Variants in CDH10 observed in about 807,000 individuals in gnomAD.
CDH10 encodes cadherin-10.
CDH10 carries 30 observed loss-of-function variants against 73.1 expected under a neutral mutation model. That is an observed-to-expected ratio of 0.41 (90% CI 0.31 to 0.56). CDH10 has a LOEUF of 0.56. Among genes scored for constraint, CDH10 ranks in the 20% least tolerant of loss-of-function variants. The probability of loss-of-function intolerance (pLI) is 0.27; values close to 1 mark genes in which losing one functional copy is unlikely to be tolerated. For synonymous variants in CDH10, 345 were observed against 348.2 expected (o/e 0.99, Z 0.10); for missense variants, 815 against 973.7 (o/e 0.84, Z 2.17).
At chr5:24,493,335 G>T (rs1213457933) in intron 9 of CDH10, among the ~76,000 whole-genome samples, 1 of 151,876 alleles carries the variant, frequency 6.6e-6, no homozygotes, top group Non-Finnish European at 1.5e-5. Context: ...GGAATGTAGA[G>T]ATTTTATAGG....
intron 1 of CDH10, among the ~76,000 whole-genome samples, chr5:24,618,530 T>A (rs138010334): frequency 6.6e-6 from 1 of 152,358 alleles, no homozygotes; most frequent in East Asian, 1.9e-4. Context: ...TTGTTAAAGT[T>A]CTACATGTGT....
chr5:24,531,693 C>T, intron 5 of CDH10, among the ~76,000 whole-genome samples: 1 of 152,082 alleles, frequency 6.6e-6, no homozygotes, highest in East Asian at 1.9e-4. Flanking sequence ...ATTCAGTTAC[C>T]TCCCACTGGT....
chr5:24,565,343 T>C (rs1023787997), intron 2 of CDH10, among the ~76,000 whole-genome samples: 1 of 152,110 alleles, frequency 6.6e-6, no homozygotes, highest in Non-Finnish European at 1.5e-5. Flanking sequence ...AAATATAAAT[T>C]TCTATGTACT....
At chr5:24,537,272 GGTA>G (rs1743990434) in intron 3 of CDH10, 105 bp downstream of exon 3, 1 of 727,380 alleles carries the variant, frequency 1.4e-6, no homozygotes, top group African/African-American at 1.8e-5. Flanking sequence ...ATGTACTCAT[GGTA>G]GCAAATCAAA....
intron 2 of CDH10, among the ~76,000 whole-genome samples, chr5:24,546,963 A>G (rs1744365245): frequency 6.6e-6 from 1 of 152,210 alleles, no homozygotes; most frequent in South Asian, 2.1e-4. Context: ...GTTCATAATG[A>G]AACATGGGGT....
intron 2 of CDH10, among the ~76,000 whole-genome samples, chr5:24,548,148 G>A (rs1024703729): frequency 6.7e-6 from 1 of 149,722 alleles, no homozygotes; most frequent in Non-Finnish European, 1.5e-5. Context: ...TTTTTTCTGA[G>A]ACTGAAGCTT....
At chr5:24,521,105 A>C (rs911365375) in intron 5 of CDH10, among the ~76,000 whole-genome samples, 4 of 152,190 alleles carry the variant, frequency 2.6e-5, no homozygotes, top group African/African-American at 9.7e-5. Flanking sequence ...ACAGGAAAAC[A>C]AAAAACAGAA....
Position 24,488,158 on chromosome 5 carries a change from A to T in CDH10, c.1877-5T>A, listed in dbSNP as rs2111613780. 1 of 1,590,446 alleles carries T rather than the reference A, an allele frequency of 6.3e-7. No individual in the cohort carries two copies. Among genetic ancestry groups the T allele is most frequent in the Non-Finnish European group, 8.5e-7 (1 of 1,171,080 alleles). On this transcript the variant is annotated splice_polypyrimidine_tract_variant and splice_region_variant and intron_variant, in intron 11 of 11. Coordinates refer to ENST00000264463, the MANE Select transcript of CDH10 (RefSeq NM_006727.5). The stretch of plus-strand genomic sequence containing the variant: ...CTGCAAACAGTACTACTATAACTTG[A>T]AAAAAGACAAGAAGATACATTAGAC...
chr5:24,536,254 ATAGAT>A (rs1301720270), intron 3 of CDH10, among the ~76,000 whole-genome samples: 2 of 152,102 alleles, frequency 1.3e-5, no homozygotes, highest in Non-Finnish European at 2.9e-5. Context: ...AATTTTATGA[ATAGAT>A]TAAATTCTAA....
chr5:24,616,869 G>C (rs1413278870), intron 1 of CDH10, among the ~76,000 whole-genome samples: 2 of 152,070 alleles, frequency 1.3e-5, no homozygotes, highest in African/African-American at 4.8e-5. Context: ...TCCTCTAGCA[G>C]TTATCTTATC....
chr5:24,609,094 T>G (rs142227026), intron 1 of CDH10, among the ~76,000 whole-genome samples: 3 of 152,320 alleles, frequency 2.0e-5, no homozygotes, highest in Middle Eastern at 6.8e-3. Context: ...ATTGTTGAAT[T>G]TTTAAAGCTT....
chr5:24,512,905 TC>T (rs765161404), intron 5 of CDH10, among the ~76,000 whole-genome samples: 72 of 41,870 alleles, frequency 1.7e-3, no homozygotes, highest in Middle Eastern at 0.012. Flanking sequence ...TTTAGTCACT[TC>T]CATGAAAGAT....
chr5:24,578,795 C>A (rs776822108), intron 2 of CDH10, among the ~76,000 whole-genome samples: 1 of 151,970 alleles, frequency 6.6e-6, no homozygotes, highest in African/African-American at 2.4e-5. Flanking sequence ...TTATTTAAGA[C>A]AATGGAAAAC....
intron 5 of CDH10, among the ~76,000 whole-genome samples, chr5:24,529,567 G>A (rs1743652845): frequency 6.6e-6 from 1 of 151,884 alleles, no homozygotes. Context: ...ATATATAGTA[G>A]ACAACAATAA....
intron 2 of CDH10, among the ~76,000 whole-genome samples, chr5:24,539,618 G>A (rs923619224): frequency 2.0e-5 from 3 of 151,878 alleles, no homozygotes; most frequent in African/African-American, 7.2e-5. Context: ...CATATACTTT[G>A]GAGAAAAAGA....
chr5:24,642,978 A>C (rs1579499356), intron 1 of CDH10, among the ~76,000 whole-genome samples: 1 of 5,272 alleles, frequency 1.9e-4, no homozygotes, highest in East Asian at 5.4e-3. Flanking sequence ...TAACACAGCC[A>C]AAAAAAAAAA....
Position 24,487,813 on chromosome 5 carries a change from T to C in CDH10, c.2217A>G (p.Glu739=), listed in dbSNP as rs2111602179. 6.2e-7 allele frequency: 1 copy of C among 1,614,022 alleles called. No homozygotes were observed. Among genetic ancestry groups the C allele is most frequent in the South Asian group, 1.1e-5 (1 of 91,070 alleles). The part of the protein sequence containing the change: ...PYDSLATYAY[E]GNDSIAESLS... ...GAGATTCAGCAATGGAATCATTTCCTTCATAGGCATAGGTTGCAAGTGAGT... is the reference window on the plus strand; with the variant it reads ...GAGATTCAGCAATGGAATCATTTCCCTCATAGGCATAGGTTGCAAGTGAGT... Residue 739 remains glutamate, a synonymous_variant, in exon 12 of 12, where the codon GAA becomes GAG. Transcript: ENST00000264463.
intron 1 of CDH10, among the ~76,000 whole-genome samples, chr5:24,604,430 C>G (rs115686301): frequency 6.6e-6 from 1 of 152,060 alleles, no homozygotes; most frequent in Non-Finnish European, 1.5e-5. Flanking sequence ...AAGATCACTA[C>G]GCTGAAACTT....
intron 9 of CDH10, among the ~76,000 whole-genome samples, chr5:24,495,454 T>C (rs1289881242): frequency 1.3e-5 from 2 of 152,196 alleles, no homozygotes; most frequent in East Asian, 1.9e-4. Context: ...TTTTAAGATA[T>C]TTAAAGTTAG....
Sources: allele counts gnomAD v4.1 joint callset (sites outside exome capture counted in the v4.1 genomes callset), GRCh38; gene constraint gnomAD v4.1.1; transcripts MANE v1.5; gene names NCBI Gene and HGNC (gene_info 2026-07-23, HGNC 2026-07-21).